Variants in NALF1 observed in about 807,000 individuals in gnomAD.
NALF1 encodes family with sequence similarity 155 member A.
A neutral mutation model predicts 48.4 loss-of-function variants in NALF1; 3 were observed. That is an observed-to-expected ratio of 0.06 (90% confidence interval 0.03 to 0.16). NALF1 has a LOEUF of 0.16. Among genes scored for constraint, NALF1 ranks in the 10% least tolerant of loss-of-function variants. The probability of loss-of-function intolerance (pLI) is 1.00; values close to 1 mark genes in which losing one functional copy is unlikely to be tolerated. For missense variants in NALF1, 526 were observed against 571.5 expected, an observed-to-expected ratio of 0.92 and a Z score of 0.81; for synonymous variants, 262 against 245.7, an observed-to-expected ratio of 1.07 and a Z score of -0.62.
At position 107,608,131 on chromosome 13, in the gene NALF1, A is replaced by G. The variant is rs1411838623; in HGVS notation, c.915+257551T>C. On this transcript the variant is annotated intron_variant, in intron 1 of 2. Transcript: ENST00000375915. ...ACAACTTTAATGTCTTATTTTGATG[A>G]ACAGAATGTGTTGGAAGTAACGTTA... Among the ~76,000 whole-genome samples, 9 of 152,178 alleles carry G rather than the reference A, an allele frequency of 5.9e-5. No individual in the cohort carries two copies. The East Asian group carries it at 1.7e-3, about 29-fold the overall frequency.
intron 1 of NALF1, among the ~76,000 whole-genome samples, chr13:107,586,739 G>T (rs1878471176): frequency 6.9e-6 from 1 of 145,706 alleles, no homozygotes; most frequent in African/African-American, 2.6e-5. Context: ...TCTCCAAAAT[G>T]CCACTACTTT....
intron 1 of NALF1, among the ~76,000 whole-genome samples, chr13:107,702,889 T>A (rs1302850858): frequency 6.6e-6 from 1 of 152,228 alleles, no homozygotes; most frequent in African/African-American, 2.4e-5. Context: ...TTCCTTTTTA[T>A]GGCTGTATAG....
intron 1 of NALF1, among the ~76,000 whole-genome samples, chr13:107,606,122 A>G (rs1351650876): frequency 6.6e-6 from 1 of 152,114 alleles, no homozygotes; most frequent in Non-Finnish European, 1.5e-5. Context: ...AAAGCCCCAA[A>G]ATGAGCATTT....
chr13:107,380,129 A>G (rs1883407427), intron 1 of NALF1, among the ~76,000 whole-genome samples: 1 of 152,310 alleles, frequency 6.6e-6, no homozygotes, highest in African/African-American at 2.4e-5. Flanking sequence ...TATAGTATCA[A>G]CTAGCATTAG....
intron 1 of NALF1, among the ~76,000 whole-genome samples, chr13:107,530,883 G>T (rs1489633442): frequency 1.3e-5 from 2 of 151,916 alleles, no homozygotes; most frequent in Non-Finnish European, 2.9e-5. Context: ...AAACCAGCAG[G>T]ATTGCCTGAA....
intron 1 of NALF1, among the ~76,000 whole-genome samples, chr13:107,730,400 G>C (rs1307225991): frequency 6.6e-6 from 1 of 152,026 alleles, no homozygotes; most frequent in Admixed American, 6.6e-5. Context: ...CCATTTTTCT[G>C]GTGACTGACA....
chr13:107,321,766 T>C (rs1484863739), intron 1 of NALF1, among the ~76,000 whole-genome samples: 4 of 152,136 alleles, frequency 2.6e-5, no homozygotes, highest in Admixed American at 1.3e-4. Context: ...TTATCAAAAA[T>C]AATCATTTCA....
intron 1 of NALF1, among the ~76,000 whole-genome samples, chr13:107,327,176 C>A (rs1346003491): frequency 2.0e-5 from 3 of 152,118 alleles, no homozygotes; most frequent in Admixed American, 6.5e-5. Context: ...TGCTATCAGG[C>A]AAGGAGAATT....
At chr13:107,663,571 G>A (rs1880782412) in intron 1 of NALF1, among the ~76,000 whole-genome samples, 1 of 152,138 alleles carries the variant, frequency 6.6e-6, no homozygotes. Flanking sequence ...TTCGTGTGTG[G>A]ATTTTAATAT....
intron 1 of NALF1, among the ~76,000 whole-genome samples, chr13:107,746,064 T>A (rs1308097922): frequency 6.6e-6 from 1 of 152,214 alleles, no homozygotes; most frequent in Admixed American, 6.5e-5. Flanking sequence ...AAGTATCTTC[T>A]ACCCTAATTC....
rs140136552 is a variant in NALF1, at chr13:107,358,625, A to G, written c.916-147870T>C. On this transcript the variant is annotated intron_variant, in intron 1 of 2. Coordinates refer to ENST00000375915, the MANE Select transcript of NALF1 (RefSeq NM_001080396.3). Reference sequence around the variant, plus strand: ...TTTTTAAAGACATTCAATAAAACACAGTGTTGGAAATTAAAAATGCAATAC... The same window carrying G: ...TTTTTAAAGACATTCAATAAAACACGGTGTTGGAAATTAAAAATGCAATAC... 3.3e-5 allele frequency among the ~76,000 whole-genome samples: 5 copies of G among 152,286 alleles called. No homozygotes were observed. The East Asian group carries it at 9.6e-4, about 29-fold the overall frequency.
chr13:107,629,965 G>A (rs9514713), intron 1 of NALF1, among the ~76,000 whole-genome samples: 5 of 151,786 alleles, frequency 3.3e-5, no homozygotes, highest in African/African-American at 9.7e-5. Context: ...TCAAGATACC[G>A]TTTCTAAAAT....
rs138379229 is a variant in NALF1 at position 107,425,013 on chromosome 13, G to C, written c.916-214258C>G. Among the ~76,000 whole-genome samples the C allele has an allele frequency of 1.2e-3, 189 of 152,334 alleles. 1 individual carries two copies. Among genetic ancestry groups the C allele is most frequent in the African/African-American group, 4.1e-3 (170 of 41,586 alleles). On this transcript the variant is annotated intron_variant, in intron 1 of 2. Transcript: ENST00000375915. ...TTCTTCCTCATTCAGTGAGAAAGAA[G>C]TATTTGCTTTTAGATTGTCGCTGTT...
chr13:107,831,606 C>G (rs575076693), intron 1 of NALF1, among the ~76,000 whole-genome samples: 1 of 152,050 alleles, frequency 6.6e-6, no homozygotes, highest in East Asian at 1.9e-4. Context: ...AAATCTGGAA[C>G]CAAGCTTGAA....
rs1385240221 is a variant in NALF1, at chr13:107,405,544, C to T, written c.916-194789G>A. Among the ~76,000 whole-genome samples the T allele has an allele frequency of 5.9e-5, 9 of 152,110 alleles. No individual in the cohort carries two copies. In the East Asian group the frequency reaches 1.7e-3, roughly 30 times the overall value. ...CAAAATTCCCTTTTCTTTTGAGCAGCTAATCTTGGGCAGTCAGGAGTTCAG... is the reference window on the plus strand; with the variant it reads ...CAAAATTCCCTTTTCTTTTGAGCAGTTAATCTTGGGCAGTCAGGAGTTCAG... On this transcript the variant is annotated intron_variant, in intron 1 of 2. Coordinates refer to ENST00000375915, the MANE Select transcript of NALF1 (RefSeq NM_001080396.3).
intron 1 of NALF1, among the ~76,000 whole-genome samples, chr13:107,540,395 T>C (rs1470903431): frequency 2.6e-5 from 4 of 152,022 alleles, no homozygotes; most frequent in Non-Finnish European, 2.9e-5. Context: ...AATATACTTA[T>C]ACTACATAAA....
intron 1 of NALF1, among the ~76,000 whole-genome samples, chr13:107,796,887 C>A (rs1878440766): frequency 6.6e-6 from 1 of 152,168 alleles, no homozygotes; most frequent in Non-Finnish European, 1.5e-5. Flanking sequence ...CACACTCATA[C>A]TCTTCCATCA....
chr13:107,412,404 C>T (rs1393422113), intron 1 of NALF1, among the ~76,000 whole-genome samples: 1 of 152,058 alleles, frequency 6.6e-6, no homozygotes, highest in South Asian at 2.1e-4. Flanking sequence ...GTTTTGGTGT[C>T]CACTAAAACC....
chr13:107,500,788 G>T (rs1333980896), intron 1 of NALF1, among the ~76,000 whole-genome samples: 1 of 151,812 alleles, frequency 6.6e-6, no homozygotes, highest in South Asian at 2.1e-4. Context: ...AAAATGATGA[G>T]TTCATGTCCT....
Sources: allele counts gnomAD v4.1 joint callset (sites outside exome capture counted in the v4.1 genomes callset), GRCh38; gene constraint gnomAD v4.1.1; transcripts MANE v1.5; gene names NCBI Gene and HGNC (gene_info 2026-07-23, HGNC 2026-07-21).